Variants in MTAP observed in about 807,000 individuals in gnomAD.
The protein encoded by MTAP is methylthioadenosine phosphorylase.
Under a neutral mutation model 33.6 loss-of-function variants are expected in MTAP, and 33 were observed. That is an observed-to-expected ratio of 0.98 (90% CI 0.74 to 1.31). The LOEUF (loss-of-function observed/expected upper bound fraction) is 1.31, where lower values mean the gene tolerates loss of function less well. Ranked by LOEUF, MTAP falls within the 40% of genes most tolerant of loss-of-function variation. MTAP has a pLI of 0.00. For synonymous variants in MTAP, 148 were observed against 125.7 expected (o/e 1.18, Z -1.19); for missense variants, 367 against 360.0 (o/e 1.02, Z -0.16).
At chr9:21,917,937 G>C (rs1258533163) in intron 1 of MTAP, among the ~76,000 whole-genome samples, 1 of 152,182 alleles carries the variant, frequency 6.6e-6, no homozygotes, top group Non-Finnish European at 1.5e-5. Flanking sequence ...AATGTCTTTT[G>C]CGGCAACTTG....
chr9:21,897,135 G>A (rs1443978955), intron 1 of MTAP, among the ~76,000 whole-genome samples: 1 of 152,112 alleles, frequency 6.6e-6, no homozygotes, highest in Non-Finnish European at 1.5e-5. Flanking sequence ...AAAACTACAT[G>A]ATTATCTCAA....
chr9:21,874,260 C>T (rs528304027), intron 1 of MTAP, among the ~76,000 whole-genome samples: 10 of 152,250 alleles, frequency 6.6e-5, no homozygotes, highest in African/African-American at 1.7e-4. Context: ...TGTTCACCTC[C>T]GACGTTATTT....
chr9:21,920,237 G>GA (rs1818765437), intron 1 of MTAP, among the ~76,000 whole-genome samples: 1 of 152,078 alleles, frequency 6.6e-6, no homozygotes, highest in South Asian at 2.1e-4. Flanking sequence ...TGAGGATCAA[G>GA]AAAAAATTAG....
At chr9:21,893,142 T>G (rs561741730) in intron 1 of MTAP, 1 of 152,312 alleles carries the variant, frequency 6.6e-6, no homozygotes, top group South Asian at 2.1e-4. Context: ...GAGGAAAATG[T>G]ACAGTGCTAA....
chr9:21,854,827 C>T lies in MTAP; in HGVS notation c.647C>T (p.Ala216Val). The T allele has an allele frequency of 6.2e-7, 1 of 1,614,128 alleles. No homozygotes were observed. Among genetic ancestry groups the T allele is most frequent in the Non-Finnish European group, 8.5e-7 (1 of 1,179,984 alleles). The part of the protein sequence containing the change: ...KEAGICYASI[A>V]MATDYDCWKE... ...GCTGGAATTTGTTACGCAAGTATCG[C>T]CATGGCGACAGATTATGACTGCTGG... Residue 216 changes from alanine to valine, a missense_variant, in exon 6 of 8, where the codon GCC (alanine) becomes GTC (valine). Transcript: ENST00000644715.
intron 1 of MTAP, among the ~76,000 whole-genome samples, chr9:21,913,030 T>A (rs1232972330): frequency 6.6e-6 from 1 of 152,180 alleles, no homozygotes; most frequent in African/African-American, 2.4e-5. Flanking sequence ...CCATTCACAA[T>A]TGCTTCAAAG....
At chr9:21,887,682 G>A (rs891992560) in intron 1 of MTAP, among the ~76,000 whole-genome samples, 2 of 152,086 alleles carry the variant, frequency 1.3e-5, no homozygotes, top group Admixed American at 6.6e-5. Flanking sequence ...CTGAAGAATC[G>A]CCACACTGAC....
chr9:21,890,399 C>A (rs1231702517), intron 1 of MTAP, among the ~76,000 whole-genome samples: 1 of 152,236 alleles, frequency 6.6e-6, no homozygotes, highest in Non-Finnish European at 1.5e-5. Flanking sequence ...CCAGTCCCTT[C>A]TCACCTGCCA....
chr9:21,906,311 G>C (rs62556522), intron 1 of MTAP, among the ~76,000 whole-genome samples: 4,849 of 151,934 alleles, frequency 0.032, 236 homozygotes, highest in Admixed American at 0.15. Flanking sequence ...ATATACTTTA[G>C]AAAACAAAGT....
At chr9:21,834,846 A>G (rs1825063021) in intron 4 of MTAP, among the ~76,000 whole-genome samples, 3 of 152,220 alleles carry the variant, frequency 2.0e-5, no homozygotes, top group African/African-American at 7.2e-5. Context: ...CGGAGGGGCC[A>G]TTATTTGAAA....
chr9:21,860,210 A>G (rs974799542), intron 7 of MTAP: 2 of 152,192 alleles, frequency 1.3e-5, no homozygotes, highest in Non-Finnish European at 2.9e-5. Context: ...TAATGAGGAC[A>G]TTGTATGGTG....
intron 1 of MTAP, among the ~76,000 whole-genome samples, chr9:21,874,818 G>T (rs1587267777): frequency 6.6e-6 from 1 of 151,674 alleles, no homozygotes; most frequent in Non-Finnish European, 1.5e-5. Context: ...ATCTACATTA[G>T]GTATTTTTCC....
intron 1 of MTAP, among the ~76,000 whole-genome samples, chr9:21,923,862 C>T (rs1308568676): frequency 1.3e-5 from 2 of 152,046 alleles, no homozygotes; most frequent in Non-Finnish European, 2.9e-5. Context: ...GTAAGAGTCA[C>T]TATAAGATCA....
chr9:21,846,065 TAGA>T (rs1332675793), intron 5 of MTAP, among the ~76,000 whole-genome samples: 1 of 152,202 alleles, frequency 6.6e-6, no homozygotes, highest in Non-Finnish European at 1.5e-5. Flanking sequence ...AAGCCAGATG[TAGA>T]AGAATGAAAC....
At chr9:21,894,072 C>T (rs1348292002) in intron 1 of MTAP, among the ~76,000 whole-genome samples, 1 of 152,076 alleles carries the variant, frequency 6.6e-6, no homozygotes, top group East Asian at 1.9e-4. Flanking sequence ...AGCCTTTATT[C>T]TTGTTCTGCA....
intron 1 of MTAP, among the ~76,000 whole-genome samples, chr9:21,903,185 G>A (rs904019720): frequency 6.6e-6 from 1 of 152,178 alleles, no homozygotes; most frequent in African/African-American, 2.4e-5. Flanking sequence ...TATTTCAGAA[G>A]GTGGATACAT....
intron 1 of MTAP, among the ~76,000 whole-genome samples, chr9:21,897,746 A>G (rs201715021): frequency 6.6e-6 from 1 of 152,184 alleles, no homozygotes; most frequent in African/African-American, 2.4e-5. Flanking sequence ...ACAAACAAAT[A>G]GAAGAACATT....
At chr9:21,842,508 A>G (rs1825271858) in intron 5 of MTAP, among the ~76,000 whole-genome samples, 2 of 152,216 alleles carry the variant, frequency 1.3e-5, no homozygotes, top group Non-Finnish European at 2.9e-5. Context: ...AGACAAAAAC[A>G]TCAGATAACC....
intron 5 of MTAP, among the ~76,000 whole-genome samples, chr9:21,845,289 C>G (rs1266633675): frequency 6.6e-6 from 1 of 152,134 alleles, no homozygotes; most frequent in African/African-American, 2.4e-5. Context: ...ACCCTAAAGA[C>G]TCATCCAAAA....
Sources: allele counts gnomAD v4.1 joint callset (sites outside exome capture counted in the v4.1 genomes callset), GRCh38; gene constraint gnomAD v4.1.1; transcripts MANE v1.5; gene names NCBI Gene and HGNC (gene_info 2026-07-23, HGNC 2026-07-21).